Variants in ST8SIA6 observed in about 807,000 individuals in gnomAD.
ST8SIA6 encodes ST8 alpha-N-acetyl-neuraminide alpha-2,8-sialyltransferase 6.
A neutral mutation model predicts 33.6 loss-of-function variants in ST8SIA6; 39 were observed. That is an observed-to-expected ratio of 1.16 (90% CI 0.90 to 1.52). The LOEUF is 1.52. Ranked by LOEUF, ST8SIA6 falls within the 40% of genes most tolerant of loss-of-function variation. The pLI, the probability that ST8SIA6 is intolerant of heterozygous loss-of-function variation, is 0.00. For synonymous variants in ST8SIA6, 172 were observed against 167.2 expected (o/e 1.03, Z -0.22); for missense variants, 441 against 443.8 (o/e 0.99, Z 0.06).
intron 3 of ST8SIA6, among the ~76,000 whole-genome samples, chr10:17,377,393 C>T (rs535032170): frequency 8.1e-4 from 123 of 152,250 alleles, no homozygotes; most frequent in African/African-American, 1.2e-3. Flanking sequence ...CACATGGACA[C>T]GCCTAACAGA....
intron 2 of ST8SIA6, among the ~76,000 whole-genome samples, chr10:17,452,217 C>T (rs1852938352): frequency 6.6e-6 from 1 of 152,172 alleles, no homozygotes; most frequent in South Asian, 2.1e-4. Flanking sequence ...CCTAGTGCCT[C>T]TAATATGCTG....
intron 4 of ST8SIA6, among the ~76,000 whole-genome samples, chr10:17,337,371 C>A (rs1453942772): frequency 6.6e-6 from 1 of 152,180 alleles, no homozygotes; most frequent in Non-Finnish European, 1.5e-5. Context: ...GTTCTTTATT[C>A]CTGGAGTAGT....
chr10:17,359,352 T>C (rs766434973), intron 4 of ST8SIA6, among the ~76,000 whole-genome samples, 162 bp downstream of exon 4: 1 of 152,180 alleles, frequency 6.6e-6, no homozygotes, highest in Admixed American at 6.6e-5. Context: ...GAGATGGAGA[T>C]GGAATGCCCT....
At chr10:17,338,417 A>C (rs1044731618) in intron 4 of ST8SIA6, among the ~76,000 whole-genome samples, 1 of 152,198 alleles carries the variant, frequency 6.6e-6, no homozygotes, top group Non-Finnish European at 1.5e-5. Flanking sequence ...AAACAACTCA[A>C]ACCTTTGTGT....
chr10:17,426,047 C>T (rs192258174), intron 2 of ST8SIA6, among the ~76,000 whole-genome samples: 1 of 151,962 alleles, frequency 6.6e-6, no homozygotes, highest in East Asian at 1.9e-4. Flanking sequence ...TGCCTGCCAC[C>T]CCATAGCATT....
rs1363599249 is a variant in ST8SIA6 at position 17,454,109 on chromosome 10, G to GGCGGGGC, written c.101+39_101+45dup. On this transcript the variant is annotated intron_variant, in intron 1 of 7. Transcript: ENST00000377602. The surrounding 1 kb of genome is among the most constrained non-coding windows in gnomAD (Gnocchi z 4.1). ...GCGGCTTGGGGGTCCGGGGGCGCCA[G>GGCGGGGC]GCGGGGCGCGCGGCGCGGGGCGCGG... is the stretch of plus-strand genomic sequence containing the variant. 1 of 258,590 alleles carries GGCGGGGC rather than the reference G, an allele frequency of 3.9e-6. No homozygotes were observed. The highest frequency in any genetic ancestry group is 7.2e-6 in the Non-Finnish European group (1 of 137,942). 16.0% of individuals were successfully genotyped at this position (258,590 alleles called of 1,614,324 possible).
chr10:17,397,241 T>TTTG (rs1397901486), intron 2 of ST8SIA6, among the ~76,000 whole-genome samples: 2 of 145,224 alleles, frequency 1.4e-5, no homozygotes, highest in Non-Finnish European at 3.0e-5. Context: ...TTGTTTTTTT[T>TTTG]TTTTTTTTTG....
intron 2 of ST8SIA6, among the ~76,000 whole-genome samples, chr10:17,393,901 A>G (rs565373672): frequency 6.6e-6 from 1 of 152,264 alleles, no homozygotes; most frequent in African/African-American, 2.4e-5. Context: ...TTCCTTCCCA[A>G]TTCCCTCTAA....
chr10:17,414,245 A>G (rs1338493441), intron 2 of ST8SIA6, among the ~76,000 whole-genome samples: 9 of 152,224 alleles, frequency 5.9e-5, no homozygotes, highest in Admixed American at 5.2e-4. Flanking sequence ...TCTAAGTTCT[A>G]TGAACTTCAA....
chr10:17,327,303 G>A (rs754254425), intron 5 of ST8SIA6, among the ~76,000 whole-genome samples, 177 bp from the exon 6 acceptor site: 5 of 152,148 alleles, frequency 3.3e-5, no homozygotes, highest in Admixed American at 6.5e-5. Context: ...AGAACCAGCT[G>A]GGGCTGGGCG....
intron 4 of ST8SIA6, among the ~76,000 whole-genome samples, chr10:17,347,787 T>C (rs1435749297): frequency 6.6e-6 from 1 of 151,624 alleles, no homozygotes; most frequent in African/African-American, 2.4e-5. Flanking sequence ...TACAAAAAAT[T>C]AGCCGGGCGT....
intron 2 of ST8SIA6, among the ~76,000 whole-genome samples, chr10:17,441,914 G>A (rs1852510386): frequency 6.6e-6 from 1 of 151,058 alleles, no homozygotes; most frequent in Non-Finnish European, 1.5e-5. Flanking sequence ...TGTCACCCAG[G>A]CTGGAGTGCA....
chr10:17,446,252 T>A (rs575759166), intron 2 of ST8SIA6, among the ~76,000 whole-genome samples: 1 of 152,274 alleles, frequency 6.6e-6, no homozygotes, highest in African/African-American at 2.4e-5. Flanking sequence ...ACAAAACTTA[T>A]GAAAATATTC....
intron 4 of ST8SIA6, among the ~76,000 whole-genome samples, chr10:17,345,386 G>A (rs1210443628): frequency 6.6e-6 from 1 of 152,194 alleles, no homozygotes; most frequent in Admixed American, 6.5e-5. Flanking sequence ...AACTGGGCCA[G>A]GCATGGCGTC....
intron 5 of ST8SIA6, among the ~76,000 whole-genome samples, chr10:17,330,682 T>A (rs796627979): frequency 1.8e-4 from 27 of 152,292 alleles, no homozygotes; most frequent in African/African-American, 6.5e-4. Flanking sequence ...ATTTTGACCA[T>A]CTTGATATGG....
intron 4 of ST8SIA6, among the ~76,000 whole-genome samples, chr10:17,343,753 G>T (rs1848747187): frequency 6.6e-6 from 1 of 152,144 alleles, no homozygotes; most frequent in African/African-American, 2.4e-5. Flanking sequence ...CAGAGGAGCA[G>T]GTTTACACAG....
At chr10:17,360,907 GA>G (rs1849360927) in intron 3 of ST8SIA6, among the ~76,000 whole-genome samples, 1 of 149,174 alleles carries the variant, frequency 6.7e-6, no homozygotes, top group Non-Finnish European at 1.5e-5. Context: ...CGAAGAAGAA[GA>G]AGAGGAAGAA....
intron 2 of ST8SIA6, among the ~76,000 whole-genome samples, chr10:17,445,632 G>A (rs1852677525): frequency 6.6e-6 from 1 of 152,160 alleles, no homozygotes; most frequent in African/African-American, 2.4e-5. Flanking sequence ...GGGCTGCTTG[G>A]GTGCCTCTGT....
In ST8SIA6 at chr10:17,359,609, T is replaced by C. The variant is rs368827525; in HGVS notation, c.291-9A>G. On this transcript the variant is annotated splice_polypyrimidine_tract_variant and intron_variant, in intron 3 of 7. Coordinates refer to ENST00000377602, the MANE Select transcript of ST8SIA6 (RefSeq NM_001004470.3). The stretch of plus-strand genomic sequence containing the variant: ...AGTCGTTCTCTGAATACCTAAAAAT[T>C]AAATGTCAATATAATTAGAAAATAA... 3.4e-5 allele frequency: 53 copies of C among 1,536,422 alleles called. No individual in the cohort carries two copies. Among genetic ancestry groups the C allele is most frequent in the Non-Finnish European group, 4.7e-5 (53 of 1,120,994 alleles).
Sources: gnomAD v4.1 joint callset for allele counts (sites outside exome capture counted in the v4.1 genomes callset) on GRCh38, gnomAD v4.1.1 for gene constraint, Gnocchi (gnomAD v3.1) non-coding constraint, MANE v1.5 for transcripts, NCBI Gene and HGNC (gene_info 2026-07-23, HGNC 2026-07-21) for gene names.